OR4E1: variants seen among roughly 807,000 people sequenced by gnomAD.
OR4E1 encodes the protein olfactory receptor family 4 subfamily E member 1, also known as olfactory receptor 4E1.
chr14:21,670,669 C>T lies in OR4E1; in HGVS notation c.267G>A (p.Val89=). 1 of 401,410 alleles carries T rather than the reference C, an allele frequency of 2.5e-6. No homozygotes were observed. The highest frequency in any genetic ancestry group is 4.4e-6 in the Non-Finnish European group (1 of 226,322). The allele number at this position is 401,410 out of a possible 1,614,324, so 24.9% of individuals were successfully genotyped here. A position where few individuals can be genotyped will look rare whatever the true frequency, so the allele number is the denominator to read the frequency against. Residue 89 remains valine (V), a synonymous_variant, in exon 2 of 2, where the codon GTG becomes GTA. Coordinates refer to ENST00000641792, the MANE Select transcript of OR4E1 (RefSeq NM_001317107.2). Reference sequence around the variant, plus strand: ...AAGAGATGAGCTTTTCCTCTGACCACACGTCTCTCAGCATCTTGGGGACAG... The same window carrying T: ...AAGAGATGAGCTTTTCCTCTGACCATACGTCTCTCAGCATCTTGGGGACAG... ...TVTVPKMLRD[V]WSEEKLISFD... is the part of the protein sequence containing the mutation.
At position 21,673,617 on chromosome 14, in the gene OR4E1, AAAAG is replaced by A. The variant is rs1408674384; in HGVS notation, c.-549_-546del. ...CCCTGTCCAAAAAAAAAAAAAAAAA[AAAAG>A]AGTCAGCCACTTTTGCAGGCCCTTC... is the stretch of plus-strand genomic sequence containing the variant. On this transcript the variant is annotated 5_prime_UTR_variant, in exon 1 of 2. Transcript: ENST00000641792. 2 of 151,746 alleles carry A rather than the reference AAAAG, an allele frequency of 1.3e-5. No homozygotes were observed. The highest frequency in any genetic ancestry group is 2.4e-5 in the African/African-American group (1 of 41,302). The allele number at this position is 151,746 out of a possible 1,614,324, so 9.4% of individuals were successfully genotyped here. A position where few individuals can be genotyped will look rare whatever the true frequency, so the allele number is the denominator to read the frequency against.
chr14:21,673,204 AC>A lies in OR4E1; in HGVS notation c.-133del, dbSNP rs1272796967. 2 of 152,182 alleles carry A rather than the reference AC, an allele frequency of 1.3e-5. No individual in the cohort carries two copies. The highest frequency in any genetic ancestry group is 4.8e-5 in the African/African-American group (2 of 41,452). The allele number at this position is 152,182 out of a possible 1,614,324, so 9.4% of individuals were successfully genotyped here. A position where few individuals can be genotyped will look rare whatever the true frequency, so the allele number is the denominator to read the frequency against. On this transcript the variant is annotated 5_prime_UTR_variant, in exon 1 of 2. Transcript: ENST00000641792. Reference sequence around the variant, plus strand: ...TTGGCGATATTTTCTGGTAAAAGGTACTATTTCAGGCTGTCTGTAAAAATCA... The same window carrying A: ...TTGGCGATATTTTCTGGTAAAAGGTATATTTCAGGCTGTCTGTAAAAATCA...
At position 21,669,395 on chromosome 14, in the gene OR4E1, G is replaced by C. The variant is rs1382877603; in HGVS notation, c.*593C>G. 1 of 152,128 alleles carries C rather than the reference G, an allele frequency of 6.6e-6. No homozygotes were observed. Among genetic ancestry groups the C allele is most frequent in the Non-Finnish European group, 1.5e-5 (1 of 68,016 alleles). The allele number at this position is 152,128 out of a possible 1,614,324, so 9.4% of individuals were successfully genotyped here. A position where few individuals can be genotyped will look rare whatever the true frequency, so the allele number is the denominator to read the frequency against. ...GATATCCCCATTTCATTGCTCTGAT[G>C]GCAGATTTTGCCTGGATACTTGAGA... is the stretch of plus-strand genomic sequence containing the variant. On this transcript the variant is annotated 3_prime_UTR_variant, in exon 2 of 2. Coordinates refer to ENST00000641792, the MANE Select transcript of OR4E1 (RefSeq NM_001317107.2).
rs920922523 is a variant in OR4E1, at chr14:21,670,302, C to T, written c.634G>A (p.Val212Met). Residue 212 changes from valine to methionine, a missense_variant, in exon 2 of 2, where the codon GTG becomes ATG. Transcript: ENST00000641792. Reference sequence around the variant, plus strand: ...ACCACCAGGACCACAAAACAGACCACGGAGATCAATCCACTGTTGGAGACA... The same window carrying T: ...ACCACCAGGACCACAAAACAGACCATGGAGATCAATCCACTGTTGGAGACA... ...LIVSNSGLISVVCFVVLVVSY... is the reference protein window; with the variant it reads ...LIVSNSGLISMVCFVVLVVSY... 47 of 398,700 alleles carry T rather than the reference C, an allele frequency of 1.2e-4. No individual in the cohort carries two copies. The highest frequency in any genetic ancestry group is 1.6e-4 in the Non-Finnish European group (36 of 226,218). 24.7% of individuals were successfully genotyped at this position (398,700 alleles called of 1,614,324 possible). A position where few individuals can be genotyped will look rare whatever the true frequency, so the allele number is the denominator to read the frequency against.
In OR4E1 at chr14:21,669,172, A is replaced by G. The variant is rs529555410; in HGVS notation, c.*816T>C. 2 of 152,328 alleles carry G rather than the reference A, an allele frequency of 1.3e-5. No homozygotes were observed. The highest frequency in any genetic ancestry group is 4.1e-4 in the South Asian group (2 of 4,832). The allele number at this position is 152,328 out of a possible 1,614,324, so 9.4% of individuals were successfully genotyped here. On this transcript the variant is annotated 3_prime_UTR_variant, in exon 2 of 2. Coordinates refer to ENST00000641792, the MANE Select transcript of OR4E1 (RefSeq NM_001317107.2). ...AAAGCAAGTCTCTTCCATACTCTCT[A>G]ACAGCACCCTGCTGTTTTATAGCAT...
chr14:21,671,849 G>A (rs2138557992), intron 1 of OR4E1, among the ~76,000 whole-genome samples: 1 of 152,198 alleles, frequency 6.6e-6, no homozygotes, highest in South Asian at 2.1e-4. Flanking sequence ...GCCCTTAAAG[G>A]GACTTGAGAG....
In OR4E1 at chr14:21,670,519, C is replaced by T; in HGVS notation, c.417G>A (p.Val139=). 2 of 400,240 alleles carry T rather than the reference C, an allele frequency of 5.0e-6. No individual in the cohort carries two copies. Among genetic ancestry groups the T allele is most frequent in the Non-Finnish European group, 8.8e-6 (2 of 226,566 alleles). 24.8% of individuals were successfully genotyped at this position (400,240 alleles called of 1,614,324 possible). Residue 139 remains valine, a synonymous_variant, in exon 2 of 2, where the codon GTG becomes GTA. Transcript: ENST00000641792. ...AICKPLQYMI[V]MNWKVCVLLA... ...GCAGCACACATACCTTCCAGTTCAT[C>T]ACTATCATGTACTGCAGGGGTTTAC... is the stretch of plus-strand genomic sequence containing the variant.
chr14:21,670,672 G>A lies in OR4E1; in HGVS notation c.264C>T (p.Asp88=), dbSNP rs139738357. ...STVTVPKMLR[D]VWSEEKLISF... ...AGATGAGCTTTTCCTCTGACCACAC[G>A]TCTCTCAGCATCTTGGGGACAGTGA... The change falls in exon 2 of 2, where the codon GAC becomes GAT. Residue 88 remains aspartate (D), a synonymous_variant. Transcript: ENST00000641792. The A allele has an allele frequency of 1.6e-3, 646 of 401,522 alleles. 6 individuals are homozygous for A. The highest frequency in any genetic ancestry group is 8.7e-3 in the African/African-American group (422 of 48,784). The allele number at this position is 401,522 out of a possible 1,614,324, so 24.9% of individuals were successfully genotyped here. A position where few individuals can be genotyped will look rare whatever the true frequency, so the allele number is the denominator to read the frequency against.
Position 21,669,445 on chromosome 14 carries a change from A to C in OR4E1, c.*543T>G, listed in dbSNP as rs1020511965. On this transcript the variant is annotated 3_prime_UTR_variant, in exon 2 of 2. Transcript: ENST00000641792. ...AGTGTCAGTAACTTCACCTGTTCAA[A>C]GTCTTCTTTCTCTGTCACCAAAGTC... The C allele has an allele frequency of 1.3e-5, 2 of 152,208 alleles. No homozygotes were observed. The highest frequency in any genetic ancestry group is 4.8e-5 in the African/African-American group (2 of 41,434). 9.4% of individuals were successfully genotyped at this position (152,208 alleles called of 1,614,324 possible).
Position 21,673,254 on chromosome 14 carries a change from C to T in OR4E1, c.-182G>A, listed in dbSNP as rs1881047401. On this transcript the variant is annotated 5_prime_UTR_variant, in exon 1 of 2. An upstream start codon of the reference 5' UTR is lost. Coordinates refer to ENST00000641792, the MANE Select transcript of OR4E1 (RefSeq NM_001317107.2). Reference sequence around the variant, plus strand: ...CACACCTTTGTAGCTATATTATTATCATATTTTTCAATATGTCAAAATATG... The same window carrying T: ...CACACCTTTGTAGCTATATTATTATTATATTTTTCAATATGTCAAAATATG... The T allele has an allele frequency of 6.6e-6, 1 of 152,024 alleles. No individual in the cohort carries two copies. The highest frequency in any genetic ancestry group is 1.5e-5 in the Non-Finnish European group (1 of 68,010). 9.4% of individuals were successfully genotyped at this position (152,024 alleles called of 1,614,324 possible).
In OR4E1 at chr14:21,670,484, G is replaced by A. The variant is rs1032770761; in HGVS notation, c.452C>T (p.Ala151Val). ...NWKVCVLLAV[A>V]LWTGGTIHSI... ...GTGGATGGTCCCTCCTGTCCAGAGG[G>A]CCACAGCCAGCAGCACACATACCTT... is the stretch of plus-strand genomic sequence containing the variant. The change falls in exon 2 of 2, where the codon GCC becomes GTC. Residue 151 changes from alanine to valine, a missense_variant. By Grantham distance (64) the Ala-to-Val change is moderately conservative. Coordinates refer to ENST00000641792, the MANE Select transcript of OR4E1 (RefSeq NM_001317107.2). The A allele has an allele frequency of 3.5e-5, 14 of 399,490 alleles. 1 individual carries two copies. The Admixed American group carries it at 3.5e-4, about 10-fold the overall frequency. 24.7% of individuals were successfully genotyped at this position (399,490 alleles called of 1,614,324 possible). A position where few individuals can be genotyped will look rare whatever the true frequency, so the allele number is the denominator to read the frequency against.
intron 1 of OR4E1, among the ~76,000 whole-genome samples, chr14:21,672,104 T>C (rs1198342826): frequency 2.0e-5 from 3 of 152,200 alleles, no homozygotes; most frequent in Admixed American, 6.5e-5. Context: ...CTCCTTGGTG[T>C]CCTGAGTCAG....
intron 1 of OR4E1, among the ~76,000 whole-genome samples, chr14:21,671,912 A>T (rs1880974318): frequency 6.6e-6 from 1 of 152,046 alleles, no homozygotes; most frequent in South Asian, 2.1e-4. Flanking sequence ...TGAGGCACAG[A>T]GAGTCAAATC....
Position 21,669,881 on chromosome 14 carries a change from G to T in OR4E1, c.*107C>A. On this transcript the variant is annotated 3_prime_UTR_variant, in exon 2 of 2. Coordinates refer to ENST00000641792, the MANE Select transcript of OR4E1 (RefSeq NM_001317107.2). Reference sequence around the variant, plus strand: ...CTATGACTGTCAGATATTGGACCAAGGATAGTTTTATAAGTCACATAGTCT... The same window carrying T: ...CTATGACTGTCAGATATTGGACCAATGATAGTTTTATAAGTCACATAGTCT... The T allele has an allele frequency of 2.5e-6, 1 of 396,582 alleles. No homozygotes were observed. The highest frequency in any genetic ancestry group is 4.4e-6 in the Non-Finnish European group (1 of 225,366). The allele number at this position is 396,582 out of a possible 1,614,324, so 24.6% of individuals were successfully genotyped here. A position where few individuals can be genotyped will look rare whatever the true frequency, so the allele number is the denominator to read the frequency against.
In OR4E1 at chr14:21,669,436, C is replaced by T. The variant is rs1043900559; in HGVS notation, c.*552G>A. 2.0e-5 allele frequency: 3 copies of T among 152,318 alleles called. No homozygotes were observed. The highest frequency in any genetic ancestry group is 7.2e-5 in the African/African-American group (3 of 41,568). The allele number at this position is 152,318 out of a possible 1,614,324, so 9.4% of individuals were successfully genotyped here. ...ATACTTGAGAGTGTCAGTAACTTCA[C>T]CTGTTCAAAGTCTTCTTTCTCTGTC... On this transcript the variant is annotated 3_prime_UTR_variant, in exon 2 of 2. Transcript: ENST00000641792.
Position 21,668,207 on chromosome 14 carries a change from C to T in OR4E1, c.*1781G>A, listed in dbSNP as rs973436035. On this transcript the variant is annotated 3_prime_UTR_variant, in exon 2 of 2. Coordinates refer to ENST00000641792, the MANE Select transcript of OR4E1 (RefSeq NM_001317107.2). ...CAATATGACAATTTTGCACGTGTTC[C>T]TCTGTATGGCTGATTCCTGCACAAG... 1 of 150,204 alleles carries T rather than the reference C, an allele frequency of 6.7e-6. No individual in the cohort carries two copies. The highest frequency in any genetic ancestry group is 2.5e-5 in the African/African-American group (1 of 40,514). 9.3% of individuals were successfully genotyped at this position (150,204 alleles called of 1,614,324 possible).
chr14:21,670,901 A>G lies in OR4E1; in HGVS notation c.35T>C (p.Leu12Ser). 1 of 398,690 alleles carries G rather than the reference A, an allele frequency of 2.5e-6. No homozygotes were observed. Among genetic ancestry groups the G allele is most frequent in the African/African-American group, 2.1e-5 (1 of 48,744 alleles). The allele number at this position is 398,690 out of a possible 1,614,324, so 24.7% of individuals were successfully genotyped here. A position where few individuals can be genotyped will look rare whatever the true frequency, so the allele number is the denominator to read the frequency against. Reference sequence around the variant, plus strand: ...ACCTCTAAGCCGAAAATATGTCACTAAAGAAGTTTGATTGAGTAGGATGGC... The same window carrying G: ...ACCTCTAAGCCGAAAATATGTCACTGAAGAAGTTTGATTGAGTAGGATGGC... ...EEAILLNQTSLVTYFRLRGLS... is the reference protein window; with the variant it reads ...EEAILLNQTSSVTYFRLRGLS... Residue 12 changes from leucine (L) to serine (S), a missense_variant, in exon 2 of 2, where the codon TTA (leucine) becomes TCA (serine). Transcript: ENST00000641792.
chr14:21,672,297 T>C (rs1395259448), intron 1 of OR4E1, among the ~76,000 whole-genome samples: 2 of 152,162 alleles, frequency 1.3e-5, no homozygotes, highest in Non-Finnish European at 2.9e-5. Flanking sequence ...TACTGGAGAT[T>C]TATATCATCC....
intron 1 of OR4E1, among the ~76,000 whole-genome samples, chr14:21,671,616 C>T (rs1470967427): frequency 6.6e-6 from 1 of 152,136 alleles, no homozygotes; most frequent in Non-Finnish European, 1.5e-5. Context: ...TCCTCCACCC[C>T]TCAGCTGAGG....
Sources: allele counts gnomAD v4.1 joint callset (sites outside exome capture counted in the v4.1 genomes callset), GRCh38; gene constraint gnomAD v4.1.1; transcripts MANE v1.5; gene names NCBI Gene and HGNC (gene_info 2026-07-23, HGNC 2026-07-21).